Variants in FN3KRP observed in about 807,000 individuals in gnomAD.
The protein encoded by FN3KRP is ketosamine-3-kinase.
In FN3KRP, 33 loss-of-function variants were observed where a neutral mutation model predicts 29.8. That is an observed-to-expected ratio of 1.11 (90% CI 0.84 to 1.48). The LOEUF (loss-of-function observed/expected upper bound fraction) is 1.48, where lower values mean the gene tolerates loss of function less well. Among genes scored for constraint, FN3KRP ranks in the 40% most tolerant of loss-of-function variants. FN3KRP has a pLI of 0.00. For missense variants in FN3KRP, 430 were observed against 402.6 expected, an observed-to-expected ratio of 1.07 and a Z score of -0.58; for synonymous variants, 157 against 155.2, an observed-to-expected ratio of 1.01 and a Z score of -0.09.
At chr17:82,720,432 C>CG in intron 3 of FN3KRP, 69 bp downstream of exon 3, 3 of 1,304,918 alleles carry the variant, frequency 2.3e-6, no homozygotes, top group South Asian at 1.3e-5. Context: ...GGGCTCAGAG[C>CG]GGGGGCCGTG....
At position 82,722,788 on chromosome 17, in the gene FN3KRP, T is replaced by C; in HGVS notation, c.386-16T>C. Reference sequence around the variant, plus strand: ...CCCTTGGAACTAATTTCCTTTCTTTTACTTTTGCTTGCAAGGGAGAGGAGG... The same window carrying C: ...CCCTTGGAACTAATTTCCTTTCTTTCACTTTTGCTTGCAAGGGAGAGGAGG... On this transcript the variant is annotated splice_polypyrimidine_tract_variant and intron_variant, in intron 3 of 5. Coordinates refer to ENST00000269373, the MANE Select transcript of FN3KRP (RefSeq NM_024619.4). 1 of 1,612,900 alleles carries C rather than the reference T, an allele frequency of 6.2e-7. No individual in the cohort carries two copies. The highest frequency in any genetic ancestry group is 1.7e-4 in the Middle Eastern group (1 of 5,718).
At chr17:82,722,745 G>A (rs1392380446) in intron 3 of FN3KRP, 59 bp from the exon 4 acceptor site, 10 of 1,556,568 alleles carry the variant, frequency 6.4e-6, no homozygotes, top group Admixed American at 1.7e-5. Flanking sequence ...ACTCAGTTTC[G>A]AGAGTGGGCG....
intron 4 of FN3KRP, among the ~76,000 whole-genome samples, chr17:82,724,408 A>G (rs961890904): frequency 1.3e-5 from 2 of 152,154 alleles, no homozygotes; most frequent in Admixed American, 1.3e-4. Flanking sequence ...GTTTGAGACC[A>G]GCCTGACCAA....
At chr17:82,721,581 C>CA (rs1300846723) in intron 3 of FN3KRP, among the ~76,000 whole-genome samples, 2 of 152,024 alleles carry the variant, frequency 1.3e-5, no homozygotes, top group African/African-American at 4.8e-5. Flanking sequence ...CTGCTCACTG[C>CA]AAGCTCCGCC....
At chr17:82,719,112 C>T in intron 2 of FN3KRP, 55 bp downstream of exon 2, 1 of 1,495,296 alleles carries the variant, frequency 6.7e-7, no homozygotes, top group Non-Finnish European at 9.1e-7. Context: ...GGTGTGTCTT[C>T]ACACCTTGTT....
intron 4 of FN3KRP, among the ~76,000 whole-genome samples, chr17:82,724,842 T>C (rs2046825881): frequency 6.6e-6 from 1 of 151,868 alleles, no homozygotes. Context: ...GGAGTCTCGC[T>C]CTGTCACCCA....
chr17:82,723,586 T>C (rs931981734), intron 4 of FN3KRP, among the ~76,000 whole-genome samples: 7 of 151,714 alleles, frequency 4.6e-5, no homozygotes, highest in Non-Finnish European at 8.8e-5. Flanking sequence ...TGTGTGTGCA[T>C]ATGTGTGCAT....
At chr17:82,724,410 C>A (rs2046822660) in intron 4 of FN3KRP, among the ~76,000 whole-genome samples, 1 of 152,052 alleles carries the variant, frequency 6.6e-6, no homozygotes, top group South Asian at 2.1e-4. Flanking sequence ...TTGAGACCAG[C>A]CTGACCAACA....
At chr17:82,723,946 G>A (rs1237580804) in intron 4 of FN3KRP, among the ~76,000 whole-genome samples, 2 of 151,806 alleles carry the variant, frequency 1.3e-5, no homozygotes, top group Non-Finnish European at 2.9e-5. Context: ...CAGTGTGATT[G>A]TAAATTAAGA....
Position 82,716,727 on chromosome 17 carries a change from C to T in FN3KRP, c.-29C>T, listed in dbSNP as rs1004302201. ...CCGTCTCTCGAGTCTCCGCCAGATC[C>T]GGGGCGGGTCCGCGGCCGCGGCGGG... On this transcript the variant is annotated 5_prime_UTR_variant, in exon 1 of 6. Coordinates refer to ENST00000269373, the MANE Select transcript of FN3KRP (RefSeq NM_024619.4). 3 of 1,473,240 alleles carry T rather than the reference C, an allele frequency of 2.0e-6. No individual in the cohort carries two copies. Among genetic ancestry groups the T allele is most frequent in the South Asian group, 1.4e-5 (1 of 72,498 alleles). The allele number at this position is 1,473,240 out of a possible 1,614,324, so 91.3% of individuals were successfully genotyped here. A position where few individuals can be genotyped will look rare whatever the true frequency, so the allele number is the denominator to read the frequency against.
intron 4 of FN3KRP, among the ~76,000 whole-genome samples, chr17:82,724,235 A>G (rs2046821305): frequency 6.6e-6 from 1 of 152,152 alleles, no homozygotes; most frequent in African/African-American, 2.4e-5. Flanking sequence ...TGAAGGCTGC[A>G]GTGAGCTGTG....
rs767081360 is a variant in FN3KRP at position 82,722,785 on chromosome 17, T to G, written c.386-19T>G. Reference sequence around the variant, plus strand: ...GATCCCTTGGAACTAATTTCCTTTCTTTTACTTTTGCTTGCAAGGGAGAGG... The same window carrying G: ...GATCCCTTGGAACTAATTTCCTTTCGTTTACTTTTGCTTGCAAGGGAGAGG... On this transcript the variant is annotated intron_variant, in intron 3 of 5. Transcript: ENST00000269373. 59 of 1,612,492 alleles carry G rather than the reference T, an allele frequency of 3.7e-5. No individual in the cohort carries two copies. The highest frequency in any genetic ancestry group is 4.8e-5 in the Non-Finnish European group (57 of 1,179,318).
chr17:82,716,967 GC>G (rs2046760148), intron 1 of FN3KRP, 71 bp downstream of exon 1: 1 of 1,430,312 alleles, frequency 7.0e-7, no homozygotes, highest in Admixed American at 2.6e-5. Flanking sequence ...TCGGCGCGGG[GC>G]GCGGCCTGGG....
Position 82,726,516 on chromosome 17 carries a change from G to C in FN3KRP, c.505G>C (p.Ala169Pro). Reference protein sequence around the residue: ...DWQEDWVVFYARQRIQPQMDM... With the variant: ...DWQEDWVVFYPRQRIQPQMDM... ...GCAGGAGGACTGGGTCGTGTTCTAT[G>C]CCCGGCAGCGCATTCAGCCCCAGAT... The change falls in exon 5 of 6, where the codon GCC (alanine) becomes CCC (proline). Residue 169 changes from alanine (A) to proline (P), a missense_variant. Transcript: ENST00000269373. 1 of 1,614,186 alleles carries C rather than the reference G, an allele frequency of 6.2e-7. No homozygotes were observed. Among genetic ancestry groups the C allele is most frequent in the Non-Finnish European group, 8.5e-7 (1 of 1,180,032 alleles).
At chr17:82,722,997 C>A in intron 4 of FN3KRP, 111 bp downstream of exon 4, 1 of 965,328 alleles carries the variant, frequency 1.0e-6, no homozygotes, top group South Asian at 1.6e-5. Context: ...AAAGTATTTG[C>A]ACCATTTTTT....
At chr17:82,723,654 TACGC>T (rs2046816847) in intron 4 of FN3KRP, among the ~76,000 whole-genome samples, 1 of 152,014 alleles carries the variant, frequency 6.6e-6, no homozygotes, top group Admixed American at 6.6e-5. Context: ...TGCATGTGTG[TACGC>T]GTGTGCGCGC....
chr17:82,722,864 C>T lies in FN3KRP; in HGVS notation c.446C>T (p.Thr149Met), dbSNP rs139863997. The T allele has an allele frequency of 8.1e-5, 131 of 1,613,928 alleles. No homozygotes were observed. The highest frequency in any genetic ancestry group is 3.2e-4 in the African/African-American group (24 of 74,880). ...FVARFGFDVVTCCGYLPQVND... is the reference protein window; with the variant it reads ...FVARFGFDVVMCCGYLPQVND... ...GCCCGGTTTGGATTTGACGTGGTGACGTGCTGTGGATACCTCCCCCAGGTG... is the reference window on the plus strand; with the variant it reads ...GCCCGGTTTGGATTTGACGTGGTGATGTGCTGTGGATACCTCCCCCAGGTG... Residue 149 changes from threonine to methionine, a missense_variant, in exon 4 of 6, where the codon ACG (threonine) becomes ATG (methionine). Coordinates refer to ENST00000269373, the MANE Select transcript of FN3KRP (RefSeq NM_024619.4).
intron 3 of FN3KRP, 124 bp from the exon 4 acceptor site, chr17:82,722,680 G>T: frequency 1.2e-6 from 1 of 818,948 alleles, no homozygotes; most frequent in Admixed American, 2.4e-5. Context: ...GGCCCTGTTT[G>T]TCTCTGGCAG....
intron 4 of FN3KRP, among the ~76,000 whole-genome samples, chr17:82,725,872 C>T (rs1261585990): frequency 1.3e-5 from 2 of 152,150 alleles, no homozygotes; most frequent in East Asian, 1.9e-4. Context: ...TACAAAACAA[C>T]GTAAAGAAAG....
Sources: allele counts gnomAD v4.1 joint callset (sites outside exome capture counted in the v4.1 genomes callset), GRCh38; gene constraint gnomAD v4.1.1; transcripts MANE v1.5; gene names NCBI Gene and HGNC (gene_info 2026-07-23, HGNC 2026-07-21).